The following DOCK5 variants were observed in gnomAD, a reference collection of about 807,000 sequenced individuals.
DOCK5 encodes dedicator of cytokinesis protein 5.
DOCK5 carries 142 observed loss-of-function variants against 251.8 expected under a neutral mutation model. That is an observed-to-expected ratio of 0.56 (90% CI 0.49 to 0.65). The LOEUF (loss-of-function observed/expected upper bound fraction) is 0.65, where lower values mean the gene tolerates loss of function less well. Ranked by LOEUF, DOCK5 falls within the 30% of genes least tolerant of loss-of-function variation. The pLI, the probability that DOCK5 is intolerant of heterozygous loss-of-function variation, is 0.00. For missense variants in DOCK5, 2,111 were observed against 2,312.3 expected, an observed-to-expected ratio of 0.91 and a Z score of 1.79; for synonymous variants, 842 against 835.5, an observed-to-expected ratio of 1.01 and a Z score of -0.13.
chr8:25,248,195 C>A (rs1239369807), intron 2 of DOCK5, among the ~76,000 whole-genome samples: 1 of 152,174 alleles, frequency 6.6e-6, no homozygotes, highest in Admixed American at 6.6e-5. Flanking sequence ...TCGTGCCTAC[C>A]TTGCCAGATG....
chr8:25,343,355 T>A (rs1265701414), intron 25 of DOCK5, among the ~76,000 whole-genome samples: 1 of 152,094 alleles, frequency 6.6e-6, no homozygotes, highest in African/African-American at 2.4e-5. Flanking sequence ...TTCTTGCCAG[T>A]TGTTTGTTGG....
chr8:25,408,051 G>A lies in DOCK5; in HGVS notation c.5162G>A (p.Arg1721Lys). The change falls in exon 49 of 52, where the codon AGA (arginine) becomes AAA (lysine). Residue 1721 changes from arginine (R) to lysine (K), a missense_variant. Transcript: ENST00000276440. ...GCCAGAGTTGAAGATCTGTCCCTTA[G>A]AGAGGAGAACAGCGAGAACCGGATC... ...SGARVEDLSLREENSENRISK... is the reference protein window; with the variant it reads ...SGARVEDLSLKEENSENRISK... 3 of 1,611,318 alleles carry A rather than the reference G, an allele frequency of 1.9e-6. No homozygotes were observed. Among genetic ancestry groups the A allele is most frequent in the Non-Finnish European group, 2.5e-6 (3 of 1,178,760 alleles).
intron 1 of DOCK5, among the ~76,000 whole-genome samples, chr8:25,223,781 G>T (rs1802451149): frequency 6.6e-6 from 1 of 152,194 alleles, no homozygotes; most frequent in South Asian, 2.1e-4. Context: ...TTGGGTAGAT[G>T]ATTATTTTGT....
chr8:25,289,657 AC>A (rs1480637739), intron 5 of DOCK5, among the ~76,000 whole-genome samples: 1 of 151,734 alleles, frequency 6.6e-6, no homozygotes, highest in Non-Finnish European at 1.5e-5. Flanking sequence ...AGCCTGACCA[AC>A]ATGGAGAAAC....
At chr8:25,283,083 T>C (rs963949792) in intron 5 of DOCK5, among the ~76,000 whole-genome samples, 1 of 152,142 alleles carries the variant, frequency 6.6e-6, no homozygotes, top group Non-Finnish European at 1.5e-5. Flanking sequence ...CTAGCTGTGA[T>C]TTATTTTTAG....
chr8:25,412,460 T>C lies in DOCK5; in HGVS notation c.*1162T>C, dbSNP rs1801648579. 6.6e-6 allele frequency: 1 copy of C among 152,190 alleles called. No homozygotes were observed. Among genetic ancestry groups the C allele is most frequent in the Admixed American group, 6.5e-5 (1 of 15,270 alleles). 9.4% of individuals were successfully genotyped at this position (152,190 alleles called of 1,614,324 possible). A position where few individuals can be genotyped will look rare whatever the true frequency, so the allele number is the denominator to read the frequency against. On this transcript the variant is annotated 3_prime_UTR_variant, in exon 52 of 52. Coordinates refer to ENST00000276440, the MANE Select transcript of DOCK5 (RefSeq NM_024940.8). Reference sequence around the variant, plus strand: ...ATTTAGTAAATAAGGAAATTGAGGCTACACACAGAAAATTGTGCTACAGAT... The same window carrying C: ...ATTTAGTAAATAAGGAAATTGAGGCCACACACAGAAAATTGTGCTACAGAT...
chr8:25,334,738 A>G (rs1805761532), intron 21 of DOCK5, among the ~76,000 whole-genome samples: 1 of 151,796 alleles, frequency 6.6e-6, no homozygotes, highest in Non-Finnish European at 1.5e-5. Context: ...ATCGAGCAAA[A>G]TCAATAACAA....
intron 13 of DOCK5, among the ~76,000 whole-genome samples, chr8:25,315,915 A>G (rs1302739375): frequency 6.6e-6 from 1 of 152,238 alleles, no homozygotes; most frequent in Non-Finnish European, 1.5e-5. Context: ...TTATAGTGTT[A>G]AAAGGTTTTG....
chr8:25,391,363 CA>C (rs1801257469), intron 42 of DOCK5, among the ~76,000 whole-genome samples: 1 of 152,070 alleles, frequency 6.6e-6, no homozygotes, highest in Non-Finnish European at 1.5e-5. Flanking sequence ...CACCTGGCCA[CA>C]TATACCTTTT....
chr8:25,213,253 G>C (rs916398820), intron 1 of DOCK5, among the ~76,000 whole-genome samples: 2 of 151,834 alleles, frequency 1.3e-5, no homozygotes, highest in African/African-American at 2.4e-5. Context: ...CACCAGGATG[G>C]GCCGCAGTGA....
intron 32 of DOCK5, 113 bp downstream of exon 32, chr8:25,368,363 T>C (rs1436246952): frequency 8.6e-7 from 1 of 1,156,558 alleles, no homozygotes; most frequent in Non-Finnish European, 1.2e-6. Flanking sequence ...TTTGTCTGTG[T>C]GTCTGGAAGT....
intron 1 of DOCK5, among the ~76,000 whole-genome samples, chr8:25,233,824 G>A (rs769260746): frequency 2.0e-5 from 3 of 152,026 alleles, no homozygotes; most frequent in Non-Finnish European, 2.9e-5. Flanking sequence ...TGGGGTACAC[G>A]AGATGTTTTG....
At chr8:25,346,277 G>T (rs1218483521) in intron 26 of DOCK5, among the ~76,000 whole-genome samples, 1 of 151,764 alleles carries the variant, frequency 6.6e-6, no homozygotes, top group African/African-American at 2.4e-5. Context: ...ACCAGCCTGG[G>T]CAACTTAGTA....
intron 47 of DOCK5, 101 bp from the exon 48 acceptor site, chr8:25,403,457 C>G (rs924415884): frequency 7.7e-7 from 1 of 1,292,726 alleles, no homozygotes; most frequent in African/African-American, 1.5e-5. Flanking sequence ...ATAACCAGTA[C>G]AGATGGGTAC....
At chr8:25,349,329 G>A (rs906621875) in intron 26 of DOCK5, among the ~76,000 whole-genome samples, 3 of 151,932 alleles carry the variant, frequency 2.0e-5, no homozygotes, top group Non-Finnish European at 4.4e-5. Flanking sequence ...TGAAAAACAG[G>A]GAATGCAAAT....
intron 1 of DOCK5, among the ~76,000 whole-genome samples, chr8:25,221,982 G>A (rs1410648296): frequency 6.6e-6 from 1 of 152,318 alleles, no homozygotes; most frequent in East Asian, 1.9e-4. Flanking sequence ...GCCTTTGAGA[G>A]TGAGGAAGTG....
At chr8:25,185,047 C>T (rs1006546844) in intron 1 of DOCK5, 96 bp downstream of exon 1, 1 of 1,232,160 alleles carries the variant, frequency 8.1e-7, no homozygotes, top group Non-Finnish European at 1.0e-6. Flanking sequence ...GCGGAGGACC[C>T]TGGCCGGGGG....
chr8:25,331,236 C>CA (rs1296733602), intron 18 of DOCK5, among the ~76,000 whole-genome samples: 1 of 147,134 alleles, frequency 6.8e-6, no homozygotes, highest in Non-Finnish European at 1.5e-5. Flanking sequence ...CTGTGACACA[C>CA]ACACACACAC....
chr8:25,299,333 A>C (rs1302959352), intron 8 of DOCK5: 3 of 462,014 alleles, frequency 6.5e-6, no homozygotes, highest in Admixed American at 7.9e-5. Context: ...CATAAAACTC[A>C]TTAGGGCTTG....
Sources: gnomAD v4.1 joint callset for allele counts (sites outside exome capture counted in the v4.1 genomes callset) on GRCh38, gnomAD v4.1.1 for gene constraint, MANE v1.5 for transcripts, NCBI Gene and HGNC (gene_info 2026-07-23, HGNC 2026-07-21) for gene names.